The following SIL1 variants were observed in gnomAD, a reference collection of about 807,000 sequenced individuals.
SIL1 encodes the protein SIL1 nucleotide exchange factor.
SIL1 carries 40 observed loss-of-function variants against 49.1 expected under a neutral mutation model. The ratio of observed to expected loss-of-function variants is 0.81; its 90% confidence interval spans 0.63 to 1.06. The LOEUF is 1.06. SIL1 is among the 50% of genes least tolerant of loss of function. SIL1 has a pLI of 0.00. For synonymous variants in SIL1, 253 were observed against 250.8 expected, an observed-to-expected ratio of 1.01 and a Z score of -0.08; for missense variants, 500 against 572.6, an observed-to-expected ratio of 0.87 and a Z score of 1.29.
chr5:139,087,745 CAGG>C (rs895755344), intron 3 of SIL1, among the ~76,000 whole-genome samples: 2 of 152,108 alleles, frequency 1.3e-5, no homozygotes, highest in African/African-American at 4.8e-5. Flanking sequence ...GGGAAGGCCA[CAGG>C]AGAAGTGGGT....
intron 7 of SIL1, among the ~76,000 whole-genome samples, chr5:138,984,525 AT>A (rs1204850125): frequency 6.6e-6 from 1 of 151,774 alleles, no homozygotes; most frequent in African/African-American, 2.4e-5. Flanking sequence ...TGCCTGGCTA[AT>A]TTTTGTATTT....
chr5:139,028,271 A>T (rs1288559290), intron 5 of SIL1, among the ~76,000 whole-genome samples: 1 of 152,046 alleles, frequency 6.6e-6, no homozygotes, highest in East Asian at 1.9e-4. Context: ...AGGCCGAGGC[A>T]GGCAGATCAC....
At chr5:139,082,016 A>G (rs1394653449) in intron 3 of SIL1, among the ~76,000 whole-genome samples, 2 of 152,238 alleles carry the variant, frequency 1.3e-5, no homozygotes, top group African/African-American at 2.4e-5. Flanking sequence ...GCAGAATTCT[A>G]AAAGAAATCT....
intron 7 of SIL1, among the ~76,000 whole-genome samples, chr5:138,977,340 A>C (rs114039873): frequency 0.011 from 1,737 of 152,292 alleles, 29 homozygotes; most frequent in African/African-American, 0.039. Flanking sequence ...TGATGAGAGG[A>C]GGTGACTTGA....
rs146164392 is a variant in SIL1 at position 138,947,297 on chromosome 5, G to A, written c.1206C>T (p.Gly402=). ...DAREKVLQTL[G]VLLTTCRDRY... is the part of the protein sequence containing the mutation. The stretch of plus-strand genomic sequence containing the variant: ...GGTCCCGGCAGGTGGTCAGGAGGAC[G>A]CCCAGTGTCTGCAGCACCTTCTCAC... Residue 402 remains glycine, a synonymous_variant, in exon 10 of 10, where the codon GGC becomes GGT. Transcript: ENST00000394817. The surrounding 1 kb of genome is among the most constrained non-coding windows in gnomAD (Gnocchi z 4.1). 790 of 1,613,366 alleles carry A rather than the reference G, an allele frequency of 4.9e-4. No individual in the cohort carries two copies. The highest frequency in any genetic ancestry group is 6.2e-4 in the Non-Finnish European group (726 of 1,180,028).
chr5:139,086,286 A>AAG (rs539974032), intron 3 of SIL1, among the ~76,000 whole-genome samples: 4,076 of 144,934 alleles, frequency 0.028, 167 homozygotes, highest in African/African-American at 0.091. Flanking sequence ...AAAAAAAAAA[A>AAG]AAGAAGAAGA....
chr5:138,992,434 C>A (rs1283043719), intron 7 of SIL1, among the ~76,000 whole-genome samples: 8 of 152,204 alleles, frequency 5.3e-5, no homozygotes, highest in Admixed American at 5.2e-4. Context: ...CTACCCCTCA[C>A]TCTGGCAGTT....
chr5:138,954,918 C>G (rs13180851), intron 7 of SIL1, among the ~76,000 whole-genome samples: 65,635 of 152,194 alleles, frequency 0.43, 15,601 homozygotes, highest in African/African-American at 0.65. Flanking sequence ...AAATGCCACA[C>G]TGCTAGCCAA....
chr5:139,148,712 C>T (rs1016121778), intron 1 of SIL1, among the ~76,000 whole-genome samples: 1 of 152,202 alleles, frequency 6.6e-6, no homozygotes, highest in Non-Finnish European at 1.5e-5. Flanking sequence ...GGCCAAGTGG[C>T]CGTCCTTTGC....
At chr5:139,100,210 A>T (rs774956157) in intron 3 of SIL1, among the ~76,000 whole-genome samples, 4 of 152,164 alleles carry the variant, frequency 2.6e-5, no homozygotes, top group African/African-American at 4.8e-5. Flanking sequence ...TTGTTGCTTC[A>T]TATCAATCCA....
chr5:138,968,588 A>C (rs1472367259), intron 7 of SIL1, among the ~76,000 whole-genome samples: 1 of 152,086 alleles, frequency 6.6e-6, no homozygotes, highest in African/African-American at 2.4e-5. Flanking sequence ...GGCCCCTGCT[A>C]TGCATTCCTG....
intron 3 of SIL1, among the ~76,000 whole-genome samples, chr5:139,098,809 C>CTTTTTTTTTT (rs59863544): frequency 1.0e-4 from 9 of 89,084 alleles, no homozygotes; most frequent in Admixed American, 3.2e-4. Context: ...TTTTCTTACT[C>CTTTTTTTTTT]TTTTTTTTTT....
intron 3 of SIL1, among the ~76,000 whole-genome samples, chr5:139,060,843 G>A (rs116431421): frequency 0.011 from 1,718 of 152,230 alleles, 21 homozygotes; most frequent in Non-Finnish European, 0.02. Flanking sequence ...TTCTTGGAAC[G>A]TTAGGAAGGG....
intron 1 of SIL1, among the ~76,000 whole-genome samples, chr5:139,184,230 C>A (rs922090374): frequency 6.6e-6 from 1 of 152,208 alleles, no homozygotes; most frequent in Non-Finnish European, 1.5e-5. Flanking sequence ...CCAAAGAGGA[C>A]TGCCTCATTG....
At chr5:139,147,141 C>T (rs1407396251) in intron 1 of SIL1, among the ~76,000 whole-genome samples, 1 of 152,126 alleles carries the variant, frequency 6.6e-6, no homozygotes, top group Non-Finnish European at 1.5e-5. Flanking sequence ...TGTCACTTGC[C>T]CTGGCAGGAG....
At chr5:139,127,906 T>C in intron 1 of SIL1, 53 bp from the exon 2 acceptor site, 1 of 1,121,520 alleles carries the variant, frequency 8.9e-7, no homozygotes, top group Non-Finnish European at 1.3e-6. Flanking sequence ...AATGCTTGGT[T>C]CCCCCGCACT....
At chr5:138,964,954 A>G (rs1327693007) in intron 7 of SIL1, among the ~76,000 whole-genome samples, 1 of 152,166 alleles carries the variant, frequency 6.6e-6, no homozygotes, top group East Asian at 1.9e-4. Flanking sequence ...GCCTGAGGGA[A>G]CCCGACAAGA....
intron 4 of SIL1, among the ~76,000 whole-genome samples, chr5:139,049,374 A>C (rs148980495): frequency 6.6e-6 from 1 of 152,192 alleles, no homozygotes; most frequent in African/African-American, 2.4e-5. Flanking sequence ...ACAGGGTTTC[A>C]TCATGTTGGC....
chr5:139,025,963 AG>A (rs1475114159), intron 6 of SIL1, among the ~76,000 whole-genome samples: 1 of 152,198 alleles, frequency 6.6e-6, no homozygotes, highest in Non-Finnish European at 1.5e-5. Context: ...GTGTTGGGCC[AG>A]ATTTGACCTA....
Sources: gnomAD v4.1 joint callset for allele counts (sites outside exome capture counted in the v4.1 genomes callset) on GRCh38, gnomAD v4.1.1 for gene constraint, Gnocchi (gnomAD v3.1) non-coding constraint, MANE v1.5 for transcripts, NCBI Gene and HGNC (gene_info 2026-07-23, HGNC 2026-07-21) for gene names.